ZNF841: variants seen among roughly 807,000 people sequenced by gnomAD.
ZNF841 encodes the protein TCONS_00006091.
In ZNF841, 11 loss-of-function variants were observed where a neutral mutation model predicts 13.0. The ratio of observed to expected loss-of-function variants is 0.85; its 90% confidence interval spans 0.53 to 1.40. ZNF841 has a LOEUF of 1.40. Among genes scored for constraint, ZNF841 ranks in the 40% most tolerant of loss-of-function variants. The pLI, the probability that ZNF841 is intolerant of heterozygous loss-of-function variation, is 0.00. For synonymous variants in ZNF841, 369 were observed against 381.6 expected (o/e 0.97, Z 0.38); for missense variants, 1,068 against 1,139.5 (o/e 0.94, Z 0.90).
At chr19:52,071,150 G>A (rs1412464447) in intron 6 of ZNF841, among the ~76,000 whole-genome samples, 1 of 152,094 alleles carries the variant, frequency 6.6e-6, no homozygotes, top group African/African-American at 2.4e-5. Context: ...GACAACAAGG[G>A]AAGACAATTA....
At chr19:52,086,374 TC>T (rs1033083798) in intron 3 of ZNF841, among the ~76,000 whole-genome samples, 37 of 151,990 alleles carry the variant, frequency 2.4e-4, no homozygotes, top group South Asian at 1.0e-3. Context: ...GTGTAGCGCC[TC>T]CCCCCTCACT....
intron 2 of ZNF841, among the ~76,000 whole-genome samples, chr19:52,092,916 C>T (rs908155336): frequency 6.6e-6 from 1 of 152,148 alleles, no homozygotes; most frequent in South Asian, 2.1e-4. Flanking sequence ...GTCAGGAGTT[C>T]GAGACCAGCC....
rs113443812 is a variant in ZNF841 at position 52,065,143 on chromosome 19, C to T, written c.2739G>A (p.Pro913=). 7.0e-3 allele frequency: 10,874 copies of T among 1,558,516 alleles called. 122 individuals are homozygous for T. Among genetic ancestry groups the T allele is most frequent in the South Asian group, 0.028 (2,259 of 80,720 alleles). The part of the protein sequence containing the change: ...NLTTKLNVER[P]LDVVLTSGIP... ...TCCCAGAGGTTAGGACAACATCTAA[C>T]GGCCTTTCCACATTGAGTTTAGTTG... Residue 913 remains proline (P), a synonymous_variant, in exon 7 of 7, where the codon CCG becomes CCA. Transcript: ENST00000594440.
intron 4 of ZNF841, among the ~76,000 whole-genome samples, chr19:52,078,793 T>A (rs2087996964): frequency 6.6e-6 from 1 of 151,682 alleles, no homozygotes; most frequent in African/African-American, 2.4e-5. Context: ...CAAGCCTGTA[T>A]CTTATGTAGA....
chr19:52,079,431 T>TAAAAAAAAAAAAAAAA (rs35306980), intron 4 of ZNF841, among the ~76,000 whole-genome samples: 3 of 83,198 alleles, frequency 3.6e-5, no homozygotes, highest in Non-Finnish European at 7.5e-5. Flanking sequence ...AGGAAATCTG[T>TAAAAAAAAAAAAAAAA]AAAAAAAAAA....
chr19:52,087,778 G>T (rs1021239615), intron 3 of ZNF841, among the ~76,000 whole-genome samples: 1 of 151,972 alleles, frequency 6.6e-6, no homozygotes, highest in African/African-American at 2.4e-5. Context: ...CTGAGGTCAG[G>T]AGATTGAGAC....
downstream of ZNF841, among the ~76,000 whole-genome samples, chr19:52,060,923 G>A (rs1420478544): frequency 6.6e-6 from 1 of 152,180 alleles, no homozygotes; most frequent in East Asian, 1.9e-4. Flanking sequence ...GTGGTGCATG[G>A]TGGTGGAGGG....
chr19:52,070,821 AC>A (rs1480532125), intron 6 of ZNF841, among the ~76,000 whole-genome samples: 1 of 152,166 alleles, frequency 6.6e-6, no homozygotes, highest in Non-Finnish European at 1.5e-5. Context: ...AGTAGGGGTC[AC>A]CCCTTACAGA....
chr19:52,059,845 T>C (rs2087369443), downstream of ZNF841, among the ~76,000 whole-genome samples: 1 of 152,194 alleles, frequency 6.6e-6, no homozygotes, highest in African/African-American at 2.4e-5. Flanking sequence ...CTCTACCTTT[T>C]CTGCCTGGCA....
chr19:52,067,068 C>A lies in ZNF841; in HGVS notation c.814G>T (p.Val272Leu). The change falls in exon 7 of 7, where the codon GTG becomes TTG. Residue 272 changes from valine (V) to leucine (L), a missense_variant. By Grantham distance (32) the Val-to-Leu change is conservative. Transcript: ENST00000594440. Reference protein sequence around the residue: ...IGNECGKAFRVSSSLINHQMI... With the variant: ...IGNECGKAFRLSSSLINHQMI... The stretch of plus-strand genomic sequence containing the variant: ...TGATGATTAATAAGACTTGAAGACA[C>A]TCTGAAGGCTTTGCCACACTCATTA... 1.9e-6 allele frequency: 3 copies of A among 1,608,988 alleles called. No homozygotes were observed. Among genetic ancestry groups the A allele is most frequent in the Admixed American group, 1.7e-5 (1 of 59,184 alleles).
intron 1 of ZNF841, among the ~76,000 whole-genome samples, chr19:52,094,378 G>C (rs12327748): frequency 1.6e-3 from 246 of 150,464 alleles, no homozygotes; most frequent in African/African-American, 5.9e-3. Flanking sequence ...TCACGGCTAT[G>C]TGTTTCCCTC....
At chr19:52,092,887 A>G (rs1028742471) in intron 2 of ZNF841, among the ~76,000 whole-genome samples, 2 of 152,210 alleles carry the variant, frequency 1.3e-5, no homozygotes, top group Non-Finnish European at 2.9e-5. Context: ...TTGGGAGGCC[A>G]AGGCGGGCAG....
intron 2 of ZNF841, among the ~76,000 whole-genome samples, chr19:52,090,685 A>AAG (rs1190070850): frequency 5.3e-5 from 8 of 150,372 alleles, no homozygotes; most frequent in African/African-American, 1.2e-4. Flanking sequence ...GAAAGAAAGA[A>AAG]AGAAAGAAAG....
the ZNF841 span, among the ~76,000 whole-genome samples, chr19:52,059,328 C>T: frequency 7.7e-4 from 92 of 119,570 alleles, no homozygotes; most frequent in African/African-American, 2.9e-3. Flanking sequence ...CCAGCCTGGG[C>T]GACAGAGCGA....
At chr19:52,076,450 C>G in intron 5 of ZNF841, 1 of 340,710 alleles carries the variant, frequency 2.9e-6, no homozygotes, top group Non-Finnish European at 5.6e-6. Context: ...ATGACTTGAG[C>G]ACAGGAGTTC....
At position 52,073,682 on chromosome 19, in the gene ZNF841, T is replaced by C. The variant is rs537339524; in HGVS notation, c.271+2362A>G. Among the ~76,000 whole-genome samples the C allele has an allele frequency of 5.9e-5, 9 of 152,306 alleles. No homozygotes were observed. The East Asian group carries it at 1.2e-3, about 20-fold the overall frequency. On this transcript the variant is annotated intron_variant, in intron 6 of 6. Transcript: ENST00000594440. ...GAAAAAAATATATAGGTTTTATAAA[T>C]AGTAGAGAAGTCCCTGAAGTGTAAG...
At chr19:52,080,324 C>T (rs2088056888) in intron 4 of ZNF841, among the ~76,000 whole-genome samples, 1 of 152,094 alleles carries the variant, frequency 6.6e-6, no homozygotes, top group Non-Finnish European at 1.5e-5. Context: ...GGGGATAAAT[C>T]CAGAAAACAG....
chr19:52,094,001 C>G (rs553013862), intron 1 of ZNF841, 30 bp from the exon 2 acceptor site: 2 of 149,536 alleles, frequency 1.3e-5, no homozygotes, highest in African/African-American at 2.6e-5. Flanking sequence ...CATGTCCCCC[C>G]CCAAAACAAA....
chr19:52,092,851 C>A (rs572068075), intron 2 of ZNF841, among the ~76,000 whole-genome samples: 2 of 152,106 alleles, frequency 1.3e-5, no homozygotes, highest in Admixed American at 6.5e-5. Flanking sequence ...CTGGGTGTGG[C>A]GGCTCACGCC....
Sources: allele counts gnomAD v4.1 joint callset (sites outside exome capture counted in the v4.1 genomes callset), GRCh38; gene constraint gnomAD v4.1.1; transcripts MANE v1.5; gene names NCBI Gene and HGNC (gene_info 2026-07-23, HGNC 2026-07-21).